MAMDC4: variants seen among roughly 807,000 people sequenced by gnomAD.
MAMDC4 encodes MAM domain containing 4, also known as apical endosomal glycoprotein.
Under a neutral mutation model 153.3 loss-of-function variants are expected in MAMDC4, and 168 were observed. That is an observed-to-expected ratio of 1.10 (90% CI 0.97 to 1.25). MAMDC4 has a LOEUF of 1.25. Ranked by LOEUF, MAMDC4 falls within the 50% of genes most tolerant of loss-of-function variation. The pLI is 0.00. For missense variants in MAMDC4, 1,701 were observed against 1,542.8 expected (o/e 1.10, Z -1.72); for synonymous variants, 744 against 651.5 (o/e 1.14, Z -2.16).
Position 136,858,040 on chromosome 9 carries a change from C to T in MAMDC4, c.2526C>T (p.His842=), listed in dbSNP as rs1352289305. 17 of 1,528,422 alleles carry T rather than the reference C, an allele frequency of 1.1e-5. No individual in the cohort carries two copies. The Middle Eastern group carries it at 6.5e-4, about 58-fold the overall frequency. The allele number at this position is 1,528,422 out of a possible 1,614,324, so 94.7% of individuals were successfully genotyped here. ...GRHQVLSLSA[H]GGLAWRLGSM... is the part of the protein sequence containing the mutation. ...ACCAGGTGCTCAGCCTCAGTGCCCA[C>T]GGCGGGCTTGCCTGGCGCCTGGGCA... Residue 842 remains histidine, a synonymous_variant, in exon 20 of 27, where the codon CAC becomes CAT. Coordinates refer to ENST00000317446, the MANE Select transcript of MAMDC4 (RefSeq NM_206920.3).
chr9:136,857,343 C>T (rs1849020447), intron 17 of MAMDC4, 24 bp from the exon 18 acceptor site: 7 of 1,607,902 alleles, frequency 4.4e-6, no homozygotes, highest in African/African-American at 4.0e-5. Context: ...GGGCCCCTGG[C>T]CAGCTGACAC....
At position 136,860,063 on chromosome 9, in the gene MAMDC4, CGGTAGGAGCCCCTGGGGATGGGTG is replaced by C; in HGVS notation, c.3372+2_3372+25del. ...GGCTTTGACAACATCCTTTTCAATGCGGTAGGAGCCCCTGGGGATGGGTGGGCAGGAGCCTCTGTGCTCAGCTGT... is the reference window on the plus strand; with the variant it reads ...GGCTTTGACAACATCCTTTTCAATGCGGCAGGAGCCTCTGTGCTCAGCTGT... On this transcript the variant is annotated splice_donor_variant and splice_donor_5th_base_variant and coding_sequence_variant and intron_variant, in exon 26 of 27. Transcript: ENST00000317446. LOFTEE classifies it high-confidence loss of function. 17 of 1,564,014 alleles carry C rather than the reference CGGTAGGAGCCCCTGGGGATGGGTG, an allele frequency of 1.1e-5. No homozygotes were observed. Among genetic ancestry groups the C allele is most frequent in the Non-Finnish European group, 1.5e-5 (17 of 1,154,030 alleles).
rs1848991872 is a variant in MAMDC4 at position 136,855,538 on chromosome 9, T to G, written c.1390T>G (p.Cys464Gly). The G allele has an allele frequency of 8.8e-6, 14 of 1,590,936 alleles. No individual in the cohort carries two copies. The highest frequency in any genetic ancestry group is 1.3e-5 in the African/African-American group (1 of 74,558). The change falls in exon 12 of 27, where the codon TGC becomes GGC. Residue 464 changes from cysteine to glycine, a missense_variant. Physicochemically the swap from Cys to Gly is radical, Grantham distance 159. Transcript: ENST00000317446. The part of the protein sequence containing the change: ...QDSCKQGHLA[C>G]GDLCVPPEQL... The stretch of plus-strand genomic sequence containing the variant: ...TTCCTGCAAGCAGGGGCATCTTGCC[T>G]GCGGGGACCTGTGTGTGCCCCCGGA...
At position 136,858,212 on chromosome 9, in the gene MAMDC4, C is replaced by T. The variant is rs1308136818; in HGVS notation, c.2610C>T (p.Gly870=). ...WRVVFEAVAA[G]VAHSYVALDD... ...TGGTGTTTGAGGCAGTGGCCGCAGG[C>T]GTGGCACACTCCTACGTGGCTCTGG... is the stretch of plus-strand genomic sequence containing the variant. Residue 870 remains glycine (G), a synonymous_variant, in exon 21 of 27, where the codon GGC becomes GGT. Transcript: ENST00000317446. 7.5e-6 allele frequency: 12 copies of T among 1,597,612 alleles called. No individual in the cohort carries two copies. In the East Asian group the frequency reaches 1.4e-4, roughly 18 times the overall value.
intron 22 of MAMDC4, 49 bp downstream of exon 22, chr9:136,858,595 C>T: frequency 6.4e-7 from 1 of 1,570,934 alleles, no homozygotes; most frequent in Non-Finnish European, 8.6e-7. Flanking sequence ...GCCACCTGGC[C>T]TCCTGCTGCC....
In MAMDC4 at chr9:136,854,817, C is replaced by T. The variant is rs139450438; in HGVS notation, c.990C>T (p.Pro330=). 7.9e-5 allele frequency: 128 copies of T among 1,612,842 alleles called. No homozygotes were observed. The highest frequency in any genetic ancestry group is 1.2e-4 in the African/African-American group (9 of 75,040). ...EPGTPAILSS[P]EFQASGTSNC... is the part of the protein sequence containing the mutation. ...GCACCCCTGCTATACTCTCCAGCCC[C>T]GAATTCCAAGCCTCAGGCACCTCCA... is the stretch of plus-strand genomic sequence containing the variant. The change falls in exon 9 of 27, where the codon CCC becomes CCT. Residue 330 remains proline (P), a synonymous_variant. Transcript: ENST00000317446.
At position 136,857,155 on chromosome 9, in the gene MAMDC4, C is replaced by T; in HGVS notation, c.1973-10C>T. ...GAGAGGTCAGTTATGGACTGGTCCC[C>T]TCCCTGCAGGGACTCTGCGCCTAGC... On this transcript the variant is annotated splice_polypyrimidine_tract_variant and intron_variant, in intron 16 of 26. Transcript: ENST00000317446. The T allele has an allele frequency of 6.2e-7, 1 of 1,612,274 alleles. No individual in the cohort carries two copies. Among genetic ancestry groups the T allele is most frequent in the Non-Finnish European group, 8.5e-7 (1 of 1,179,732 alleles).
rs748764632 is a variant in MAMDC4 at position 136,855,754 on chromosome 9, C to T, written c.1494C>T (p.Pro498=). The T allele has an allele frequency of 1.1e-5, 17 of 1,571,320 alleles. No individual in the cohort carries two copies. The highest frequency in any genetic ancestry group is 7.6e-5 in the Admixed American group (4 of 52,458). The change falls in exon 13 of 27, where the codon CCC becomes CCT. Residue 498 remains proline, a synonymous_variant. Transcript: ENST00000317446. The part of the protein sequence containing the change: ...QACGTTDFES[P]EAGGWEDASV... ...CAGGCACCACAGACTTTGAGTCCCC[C>T]GAGGCTGGGGGCTGGGAGGACGCCA... is the stretch of plus-strand genomic sequence containing the variant.
rs1564389558 is a variant in MAMDC4 at position 136,859,985 on chromosome 9, T to C, written c.3293T>C (p.Leu1098Pro). Reference protein sequence around the residue: ...VLLGLGGRRWLQKKGSCPFQS... With the variant: ...VLLGLGGRRWPQKKGSCPFQS... The stretch of plus-strand genomic sequence containing the variant: ...CTGGGACTTGGGGGACGGCGCTGGC[T>C]GCAGAAGAAGGGGAGCTGCCCCTTC... The change falls in exon 26 of 27, where the codon CTG (leucine) becomes CCG (proline). Residue 1098 changes from leucine to proline, a missense_variant. Physicochemically the swap from Leu to Pro is moderately conservative, Grantham distance 98. Transcript: ENST00000317446. 1.9e-6 allele frequency: 3 copies of C among 1,612,744 alleles called. No homozygotes were observed. The South Asian group carries it at 3.3e-5, about 18-fold the overall frequency.
Position 136,853,314 on chromosome 9 carries a change from G to A in MAMDC4, c.184G>A (p.Ala62Thr), listed in dbSNP as rs773298212. ...GYHGASPTLG[A>T]PFACDFEQDP... ...CCACGGGGCCTCGCCCACCCTGGGC[G>A]CCCCCTTCGCCTGTGACTTCGAGCA... Residue 62 changes from alanine (A) to threonine (T), a missense_variant, in exon 3 of 27, where the codon GCC (alanine) becomes ACC (threonine). Physicochemically the swap from Ala to Thr is moderately conservative, Grantham distance 58. Coordinates refer to ENST00000317446, the MANE Select transcript of MAMDC4 (RefSeq NM_206920.3). 80 of 1,601,794 alleles carry A rather than the reference G, an allele frequency of 5.0e-5. No homozygotes were observed. Among genetic ancestry groups the A allele is most frequent in the Non-Finnish European group, 6.1e-5 (72 of 1,172,208 alleles).
At chr9:136,858,669 G>A (rs753916642) in intron 22 of MAMDC4, 50 bp from the exon 23 acceptor site, 1 of 1,607,328 alleles carries the variant, frequency 6.2e-7, no homozygotes, top group South Asian at 1.1e-5. Context: ...CTCGGGCCCT[G>A]AGGGCTGGCT....
At chr9:136,859,746 A>G (rs1849058934) in intron 25 of MAMDC4, 140 bp from the exon 26 acceptor site, 1 of 850,010 alleles carries the variant, frequency 1.2e-6, no homozygotes, top group Non-Finnish European at 1.8e-6. Flanking sequence ...GTGGTAGCAG[A>G]ACCAATACCC....
chr9:136,857,813 G>C lies in MAMDC4; in HGVS notation c.2464+17G>C. ...GCAGCCCAGGTGAGGGGCTTTGGGA[G>C]GGGGCCCCAGTGGGCTCAGGGAAGC... is the stretch of plus-strand genomic sequence containing the variant. On this transcript the variant is annotated intron_variant, in intron 19 of 26. Coordinates refer to ENST00000317446, the MANE Select transcript of MAMDC4 (RefSeq NM_206920.3). The C allele has an allele frequency of 1.2e-6, 2 of 1,609,808 alleles. No individual in the cohort carries two copies. The highest frequency in any genetic ancestry group is 1.7e-6 in the Non-Finnish European group (2 of 1,178,516).
chr9:136,856,834 G>A lies in MAMDC4; in HGVS notation c.1837+8G>A. On this transcript the variant is annotated splice_region_variant and intron_variant, in intron 15 of 26. Coordinates refer to ENST00000317446, the MANE Select transcript of MAMDC4 (RefSeq NM_206920.3). ...ACCACACCACAGGCCAAGGTAGGATGGGCGCTCAGACCGGGGGTGGCTTTC... is the reference window on the plus strand; with the variant it reads ...ACCACACCACAGGCCAAGGTAGGATAGGCGCTCAGACCGGGGGTGGCTTTC... 6.2e-7 allele frequency: 1 copy of A among 1,612,440 alleles called. No individual in the cohort carries two copies.
chr9:136,857,410 C>T lies in MAMDC4; in HGVS notation c.2150C>T (p.Ala717Val), dbSNP rs375682442. The T allele has an allele frequency of 3.6e-5, 58 of 1,608,080 alleles. No individual in the cohort carries two copies. The Admixed American group carries it at 7.0e-4, about 19-fold the overall frequency. Reference protein sequence around the residue: ...GLRDGYHGTMALDDVAVRPGP... With the variant: ...GLRDGYHGTMVLDDVAVRPGP... ...CGGGACGGATACCACGGCACCATGG[C>T]GCTGGACGATGTGGCCGTGCGGCCG... Residue 717 changes from alanine (A) to valine (V), a missense_variant, in exon 18 of 27, where the codon GCG (alanine) becomes GTG (valine). Ala to Val is a moderately conservative substitution (Grantham distance 64, BLOSUM62 0). Coordinates refer to ENST00000317446, the MANE Select transcript of MAMDC4 (RefSeq NM_206920.3).
chr9:136,858,134 C>A (rs1054062210), intron 20 of MAMDC4, 37 bp downstream of exon 20: 2 of 1,533,700 alleles, frequency 1.3e-6, no homozygotes, highest in African/African-American at 1.4e-5. Flanking sequence ...CCCTCCCCCT[C>A]CCCCGAGGGC....
chr9:136,856,380 G>A (rs367941027), intron 14 of MAMDC4: 236 of 840,472 alleles, frequency 2.8e-4, no homozygotes, highest in Middle Eastern at 4.4e-4. Context: ...CGGCCCTTCC[G>A]GGTGAGGAGG....
chr9:136,857,823 G>C, intron 19 of MAMDC4, 27 bp downstream of exon 19: 1 of 1,607,460 alleles, frequency 6.2e-7, no homozygotes, highest in Non-Finnish European at 8.5e-7. Flanking sequence ...GGGGGCCCCA[G>C]TGGGCTCAGG....
At chr9:136,856,468 A>G (rs774068768) in intron 14 of MAMDC4, 1 of 783,226 alleles carries the variant, frequency 1.3e-6, no homozygotes, top group Non-Finnish European at 2.4e-6. Context: ...ATGAAGCTGG[A>G]GTTTGTCGGT....
Sources: gnomAD v4.1 joint callset for allele counts on GRCh38, gnomAD v4.1.1 for gene constraint, MANE v1.5 for transcripts, NCBI Gene and HGNC (gene_info 2026-07-23, HGNC 2026-07-21) for gene names.